Variants in STRBP observed in about 807,000 individuals in gnomAD.
STRBP encodes the protein spermatid perinuclear RNA-binding protein.
In STRBP, 13 loss-of-function variants were observed where a neutral mutation model predicts 80.1. That is an observed-to-expected ratio of 0.16 (90% CI 0.11 to 0.26). The LOEUF (loss-of-function observed/expected upper bound fraction) is 0.26, where lower values mean the gene tolerates loss of function less well. STRBP is among the 10% of genes least tolerant of loss of function. The pLI is 1.00. For missense variants in STRBP, 485 were observed against 815.2 expected (o/e 0.59, Z 4.93); for synonymous variants, 284 against 291.2 (o/e 0.98, Z 0.25).
chr9:123,234,599 A>C (rs2040495838), intron 2 of STRBP, among the ~76,000 whole-genome samples: 1 of 152,162 alleles, frequency 6.6e-6, no homozygotes, highest in Non-Finnish European at 1.5e-5. Context: ...GTAGTCTTAA[A>C]TCCTGTTTTG....
chr9:123,113,866 ATCTATTTACGCACTG>A (rs1469267712), intron 3 of STRBP: 3 of 167,098 alleles, frequency 1.8e-5, no homozygotes, highest in African/African-American at 7.2e-5. Context: ...CAGCCATGCT[ATCTATTTACGCACTG>A]TCTCTGGCTG....
chr9:123,192,009 T>A (rs2038942858), intron 2 of STRBP, among the ~76,000 whole-genome samples: 1 of 152,162 alleles, frequency 6.6e-6, no homozygotes, highest in Admixed American at 6.5e-5. Context: ...CCACAGCATT[T>A]CGAATAGATT....
chr9:123,256,677 G>A (rs571706531), intron 1 of STRBP, among the ~76,000 whole-genome samples: 1 of 152,188 alleles, frequency 6.6e-6, no homozygotes, highest in East Asian at 1.9e-4. Context: ...CAACAACTCA[G>A]GGCACAAGGT....
At chr9:123,150,568 G>A (rs146340618) in intron 11 of STRBP, among the ~76,000 whole-genome samples, 72 of 152,090 alleles carry the variant, frequency 4.7e-4, no homozygotes, top group African/African-American at 1.6e-3. Context: ...ACATAGCCAA[G>A]CCGTGTTTTC....
At chr9:123,169,217 G>A (rs994584092) in intron 6 of STRBP, among the ~76,000 whole-genome samples, 1 of 148,158 alleles carries the variant, frequency 6.7e-6, no homozygotes, top group Admixed American at 6.8e-5. Flanking sequence ...CACCCAGGCT[G>A]GAGTGCAGTG....
intron 2 of STRBP, among the ~76,000 whole-genome samples, chr9:123,234,794 T>C (rs551016638): frequency 2.0e-5 from 3 of 152,036 alleles, no homozygotes; most frequent in East Asian, 3.9e-4. Context: ...ACCCTACCTC[T>C]ACTAAAAATA....
intron 7 of STRBP, 130 bp from the exon 8 acceptor site, chr9:123,160,592 C>A: frequency 1.9e-6 from 1 of 535,254 alleles, no homozygotes; most frequent in Non-Finnish European, 3.0e-6. Flanking sequence ...ATCAATTAAT[C>A]ACAAGTAGTA....
chr9:123,252,401 C>T (rs2040936808), intron 1 of STRBP, among the ~76,000 whole-genome samples: 2 of 152,244 alleles, frequency 1.3e-5, no homozygotes, highest in South Asian at 4.1e-4. Flanking sequence ...TAGTAAGTGA[C>T]AAAGACTTGA....
chr9:123,114,943 C>G (rs1048532231), intron 3 of STRBP: 5 of 337,054 alleles, frequency 1.5e-5, no homozygotes, highest in Admixed American at 8.3e-5. Context: ...CTCCATCAGC[C>G]TCCCTCACGC....
chr9:123,132,189 T>C (rs2036164943), intron 17 of STRBP, among the ~76,000 whole-genome samples: 2 of 152,206 alleles, frequency 1.3e-5, no homozygotes, highest in South Asian at 4.1e-4. Context: ...AAATCCTTGC[T>C]CTGTGGTTTA....
At chr9:123,204,954 G>C (rs1406016032) in intron 2 of STRBP, among the ~76,000 whole-genome samples, 1 of 141,292 alleles carries the variant, frequency 7.1e-6, no homozygotes, top group African/African-American at 2.6e-5. Flanking sequence ...AAGAAAGAAA[G>C]GAAAAAAAAA....
At chr9:123,196,602 G>A (rs1329288086) in intron 2 of STRBP, among the ~76,000 whole-genome samples, 1 of 152,018 alleles carries the variant, frequency 6.6e-6, no homozygotes, top group East Asian at 1.9e-4. Context: ...CTCAAAAGAA[G>A]GCATACTAAT....
At chr9:123,242,112 C>A (rs1383377226) in intron 1 of STRBP, among the ~76,000 whole-genome samples, 2 of 152,224 alleles carry the variant, frequency 1.3e-5, no homozygotes, top group Non-Finnish European at 2.9e-5. Context: ...GATCTCACCA[C>A]CACAAACAAA....
intron 2 of STRBP, among the ~76,000 whole-genome samples, chr9:123,222,784 C>G (rs573657876): frequency 1.3e-5 from 2 of 152,244 alleles, no homozygotes; most frequent in South Asian, 4.2e-4. Flanking sequence ...CAGATAGTTT[C>G]TCTTATGAAA....
At chr9:123,173,039 C>T (rs2038074498) in intron 5 of STRBP, among the ~76,000 whole-genome samples, 1 of 152,068 alleles carries the variant, frequency 6.6e-6, no homozygotes, top group East Asian at 1.9e-4. Context: ...GCAATGAGTC[C>T]TTGGGGTAGG....
chr9:123,180,117 G>A (rs803724), intron 3 of STRBP, among the ~76,000 whole-genome samples: 147,359 of 152,260 alleles, frequency 0.97, 71,491 homozygotes, highest in East Asian at 1. Context: ...TTAGCCGGAC[G>A]TGGTAGCAGG....
chr9:123,146,762 T>C (rs1199098790), intron 13 of STRBP, 93 bp downstream of exon 13: 11 of 1,112,448 alleles, frequency 9.9e-6, no homozygotes, highest in Admixed American at 2.8e-5. Flanking sequence ...GCTATTAAAA[T>C]GTTTTTAAAA....
downstream of STRBP, among the ~76,000 whole-genome samples, chr9:123,118,043 G>A (rs1280490725): frequency 1.3e-5 from 2 of 152,156 alleles, no homozygotes; most frequent in Admixed American, 1.3e-4. Flanking sequence ...CTAGCTACCA[G>A]CAGAGCCCAT....
At chr9:123,227,094 G>A (rs963200077) in intron 2 of STRBP, among the ~76,000 whole-genome samples, 3 of 152,190 alleles carry the variant, frequency 2.0e-5, no homozygotes, top group African/African-American at 7.2e-5. Flanking sequence ...TCCCCAAGTT[G>A]CTGCGGGGAT....
Sources: allele counts gnomAD v4.1 joint callset (sites outside exome capture counted in the v4.1 genomes callset), GRCh38; gene constraint gnomAD v4.1.1; transcripts MANE v1.5; gene names NCBI Gene and HGNC (gene_info 2026-07-23, HGNC 2026-07-21).